Variants in TMCO5A observed in about 807,000 individuals in gnomAD.
The protein encoded by TMCO5A is transmembrane and coiled-coil domain-containing protein 5A.
Under a neutral mutation model 42.3 loss-of-function variants are expected in TMCO5A, and 34 were observed. The ratio of observed to expected loss-of-function variants is 0.80; its 90% confidence interval spans 0.61 to 1.07. TMCO5A has a LOEUF of 1.07. Ranked by LOEUF, TMCO5A falls within the 50% of genes least tolerant of loss-of-function variation. The pLI is 0.00. For missense variants in TMCO5A, 357 were observed against 327.9 expected, an observed-to-expected ratio of 1.09 and a Z score of -0.69; for synonymous variants, 131 against 115.6, an observed-to-expected ratio of 1.13 and a Z score of -0.86.
intron 11 of TMCO5A, among the ~76,000 whole-genome samples, chr15:37,959,136 G>A (rs1362468908): frequency 6.6e-6 from 1 of 151,920 alleles, no homozygotes; most frequent in African/African-American, 2.4e-5. Flanking sequence ...GGTTAGGGGA[G>A]GGATAGCATT....
the TMCO5A span, among the ~76,000 whole-genome samples, chr15:37,978,610 C>T: frequency 6.6e-6 from 1 of 152,132 alleles, no homozygotes; most frequent in South Asian, 2.1e-4. Flanking sequence ...ACTGCAGCCA[C>T]AATGCAAGAG....
chr15:37,954,470 A>C (rs758725338), downstream of TMCO5A, among the ~76,000 whole-genome samples: 61 of 152,128 alleles, frequency 4.0e-4, no homozygotes, highest in Admixed American at 6.6e-4. Flanking sequence ...TCCTTCAAAC[A>C]TGAAGGAGAA....
At chr15:37,942,876 T>A (rs565087554) in intron 9 of TMCO5A, 105 of 153,536 alleles carry the variant, frequency 6.8e-4, no homozygotes, top group African/African-American at 2.3e-3. Flanking sequence ...TAAATCTTAA[T>A]GCAGTCAAGA....
chr15:37,957,791 T>C (rs1260631470), intron 11 of TMCO5A, among the ~76,000 whole-genome samples: 1 of 152,172 alleles, frequency 6.6e-6, no homozygotes, highest in Non-Finnish European at 1.5e-5. Flanking sequence ...AAGACAATCC[T>C]AAGCAAAAAG....
intron 5 of TMCO5A, 64 bp downstream of exon 5, chr15:37,937,460 G>A: frequency 6.4e-7 from 1 of 1,562,954 alleles, no homozygotes; most frequent in Non-Finnish European, 8.8e-7. Flanking sequence ...AAGGGGCAAG[G>A]TTTGGGGGAA....
intron 11 of TMCO5A, among the ~76,000 whole-genome samples, chr15:37,961,941 G>A (rs995493116): frequency 6.6e-6 from 1 of 152,048 alleles, no homozygotes; most frequent in Non-Finnish European, 1.5e-5. Flanking sequence ...CCTTCTGGAG[G>A]AGTCTTTAGG....
chr15:37,971,613 G>C (rs1890675305), downstream of TMCO5A, among the ~76,000 whole-genome samples: 1 of 152,102 alleles, frequency 6.6e-6, no homozygotes, highest in African/African-American at 2.4e-5. Flanking sequence ...CTTTTATGCT[G>C]TTTCCCTTTT....
chr15:37,948,139 T>TATGGG (rs1363092406), intron 11 of TMCO5A, among the ~76,000 whole-genome samples: 4 of 152,070 alleles, frequency 2.6e-5, no homozygotes, highest in Admixed American at 1.3e-4. Context: ...AGAAAGAGCA[T>TATGGG]CTAACAGTAT....
chr15:38,017,273 A>C, the TMCO5A span, among the ~76,000 whole-genome samples: 1 of 152,126 alleles, frequency 6.6e-6, no homozygotes, highest in African/African-American at 2.4e-5. Flanking sequence ...AATACTAGTA[A>C]AGAAGGAGGG....
At chr15:38,027,530 CT>C in the TMCO5A span, among the ~76,000 whole-genome samples, 3 of 152,118 alleles carry the variant, frequency 2.0e-5, no homozygotes, top group Non-Finnish European at 2.9e-5. Flanking sequence ...TCAGATGAGA[CT>C]TTGGACTGTG....
intron 2 of TMCO5A, 41 bp from the exon 3 acceptor site, chr15:37,936,273 A>G: frequency 6.3e-7 from 1 of 1,578,552 alleles, no homozygotes; most frequent in South Asian, 1.2e-5. Context: ...ATTGATCTTG[A>G]GATAACTGGC....
chr15:37,939,053 G>A (rs1889635643), intron 6 of TMCO5A, among the ~76,000 whole-genome samples: 1 of 152,082 alleles, frequency 6.6e-6, no homozygotes, highest in South Asian at 2.1e-4. Context: ...ACAACGTGCA[G>A]GTTTGTTACA....
chr15:37,942,837 A>G (rs1251215615), intron 9 of TMCO5A: 1 of 153,770 alleles, frequency 6.5e-6, no homozygotes, highest in African/African-American at 2.4e-5. Flanking sequence ...CAAAAACCTC[A>G]TCTCCATTTC....
At chr15:38,027,683 A>T in the TMCO5A span, among the ~76,000 whole-genome samples, 1 of 152,042 alleles carries the variant, frequency 6.6e-6, no homozygotes. Context: ...CCCCACCCAA[A>T]TCTCACCTTG....
chr15:37,979,834 A>G, the TMCO5A span, among the ~76,000 whole-genome samples: 1 of 151,970 alleles, frequency 6.6e-6, no homozygotes, highest in East Asian at 1.9e-4. Flanking sequence ...GAGGGGTGAG[A>G]TGGCTGGGGT....
the TMCO5A span, among the ~76,000 whole-genome samples, chr15:38,033,608 G>GT: frequency 5.3e-5 from 8 of 150,762 alleles, no homozygotes; most frequent in South Asian, 4.2e-4. Flanking sequence ...GTTTGTTTGG[G>GT]TTTTTTTGTT....
At chr15:37,968,915 T>C (rs1447486786), downstream of TMCO5A, among the ~76,000 whole-genome samples, 1 of 152,106 alleles carries the variant, frequency 6.6e-6, no homozygotes, top group African/African-American at 2.4e-5. Context: ...TTTATCAGAA[T>C]GATAAGTTCA....
At chr15:38,037,672 T>C in the TMCO5A span, among the ~76,000 whole-genome samples, 2 of 152,260 alleles carry the variant, frequency 1.3e-5, no homozygotes, top group East Asian at 3.9e-4. Context: ...CACCACACAA[T>C]GTCCCACATC....
chr15:38,006,941 T>C, the TMCO5A span, among the ~76,000 whole-genome samples: 1 of 152,110 alleles, frequency 6.6e-6, no homozygotes, highest in Non-Finnish European at 1.5e-5. Context: ...TCTGCCATTG[T>C]AGCACTAAAG....
Sources: allele counts gnomAD v4.1 joint callset (sites outside exome capture counted in the v4.1 genomes callset), GRCh38; gene constraint gnomAD v4.1.1; transcripts MANE v1.5; gene names NCBI Gene and HGNC (gene_info 2026-07-23, HGNC 2026-07-21).